AMER1: variants seen among roughly 807,000 people sequenced by gnomAD.
The protein encoded by AMER1 is APC membrane recruitment protein 1.
Under a neutral mutation model 53.0 loss-of-function variants are expected in AMER1, and 16 were observed. The ratio of observed to expected loss-of-function variants is 0.30; its 90% confidence interval spans 0.20 to 0.46. The LOEUF is 0.46. AMER1 is among the 20% of genes least tolerant of loss of function. The probability of loss-of-function intolerance (pLI) is 1.00; values close to 1 mark genes in which losing one functional copy is unlikely to be tolerated. For synonymous variants in AMER1, 354 were observed against 331.9 expected (o/e 1.07, Z -0.73); for missense variants, 947 against 884.9 (o/e 1.07, Z -0.89).
At chrX:64,201,538 C>A (rs1172149309) in intron 1 of AMER1, among the ~76,000 whole-genome samples, 2 of 109,665 alleles carry the variant, frequency 1.8e-5, no homozygotes, top group Non-Finnish European at 3.8e-5. Context: ...TGAGAAAGAA[C>A]TGGGCAATGA....
rs1490080845 is a variant in AMER1 at position 64,190,532 on chromosome X, C to T, written c.2755G>A (p.Asp919Asn). The T allele has an allele frequency of 8.3e-7, 1 of 1,211,991 alleles. No individual in the cohort carries two copies. Among genetic ancestry groups the T allele is most frequent in the East Asian group, 3.0e-5 (1 of 33,840 alleles). ...SHLVQGYLESDELQAQQEDSD... is the reference protein window; with the variant it reads ...SHLVQGYLESNELQAQQEDSD... ...TCTTCCTGCTGGGCCTGCAGCTCAT[C>T]AGACTCGAGGTAGCCCTGGACCAAG... is the stretch of plus-strand genomic sequence containing the variant. The change falls in exon 2 of 2, where the codon GAT becomes AAT. Residue 919 changes from aspartate to asparagine, a missense_variant. Physicochemically the swap from Asp to Asn is conservative, Grantham distance 23. Coordinates refer to ENST00000374869, the MANE Select transcript of AMER1 (RefSeq NM_152424.4).
chrX:64,197,701 T>C (rs1299320758), intron 1 of AMER1, among the ~76,000 whole-genome samples: 1 of 110,636 alleles, frequency 9.0e-6, no homozygotes, highest in Non-Finnish European at 1.9e-5. Flanking sequence ...TTGGGGAGGG[T>C]TGGTTAAAGA....
intron 1 of AMER1, among the ~76,000 whole-genome samples, chrX:64,200,798 C>T (rs894229979): frequency 4.5e-5 from 5 of 111,749 alleles, no homozygotes; most frequent in Non-Finnish European, 7.5e-5. Context: ...CCTTACACCA[C>T]CCCTCAACAT....
At position 64,186,023 on chromosome X, in the gene AMER1, A is replaced by G; in HGVS notation, c.*3856T>C. ...ACAAAACATAACGAGGAAAAAAAAT[A>G]AGACACATGAGTACTCTCAGAGGGT... On this transcript the variant is annotated 3_prime_UTR_variant, in exon 2 of 2. Coordinates refer to ENST00000374869, the MANE Select transcript of AMER1 (RefSeq NM_152424.4). The G allele has an allele frequency of 1.2e-6, 1 of 804,205 alleles. No homozygotes were observed. Among genetic ancestry groups the G allele is most frequent in the Non-Finnish European group, 1.8e-6 (1 of 564,744 alleles). 66.3% of individuals were successfully genotyped at this position (804,205 alleles called of 1,213,427 possible). A position where few individuals can be genotyped will look rare whatever the true frequency, so the allele number is the denominator to read the frequency against.
Position 64,189,793 on chromosome X carries a change from A to ACGGGCGCCCCCCCCCCCCCCCCCCCCCCC in AMER1, c.*85_*86insGGGGGGGGGGGGGGGGGGGGGGGCGCCCG. 3.4e-6 allele frequency: 1 copy of ACGGGCGCCCCCCCCCCCCCCCCCCCCCCC among 292,074 alleles called. No homozygotes were observed. Among genetic ancestry groups the ACGGGCGCCCCCCCCCCCCCCCCCCCCCCC allele is most frequent in the Non-Finnish European group, 4.9e-6 (1 of 204,832 alleles). The allele number at this position is 292,074 out of a possible 1,213,427, so 24.1% of individuals were successfully genotyped here. A position where few individuals can be genotyped will look rare whatever the true frequency, so the allele number is the denominator to read the frequency against. On this transcript the variant is annotated 3_prime_UTR_variant, in exon 2 of 2. Coordinates refer to ENST00000374869, the MANE Select transcript of AMER1 (RefSeq NM_152424.4). ...CAAAGGGTTTTCAAGTTAAACAACA[A>ACGGGCGCCCCCCCCCCCCCCCCCCCCCCC]CCCCCACCCCCCCACCCTTCTGCCC...
chrX:64,202,345 G>C (rs1012256793), intron 1 of AMER1, among the ~76,000 whole-genome samples: 2 of 111,938 alleles, frequency 1.8e-5, no homozygotes, highest in East Asian at 5.6e-4. Context: ...TAGGGAATGA[G>C]GGAGGTAAGA....
chrX:64,190,120 T>C lies in AMER1; in HGVS notation c.3167A>G (p.Asp1056Gly), dbSNP rs1930209446. The change falls in exon 2 of 2, where the codon GAT (aspartate) becomes GGT (glycine). Residue 1056 changes from aspartate to glycine, a missense_variant. Physicochemically the swap from Asp to Gly is moderately conservative, Grantham distance 94 (BLOSUM62 -1). Coordinates refer to ENST00000374869, the MANE Select transcript of AMER1 (RefSeq NM_152424.4). Reference protein sequence around the residue: ...ARPRDVLLPVDEPSCSSSSGG... With the variant: ...ARPRDVLLPVGEPSCSSSSGG... The stretch of plus-strand genomic sequence containing the variant: ...AGAACTGGAAGAGCAACTGGGCTCA[T>C]CAACAGGCAGCAGCACATCTCGAGG... The C allele has an allele frequency of 1.7e-6, 2 of 1,206,071 alleles. No individual in the cohort carries two copies. Among genetic ancestry groups the C allele is most frequent in the African/African-American group, 3.5e-5 (2 of 57,107 alleles).
intron 1 of AMER1, among the ~76,000 whole-genome samples, chrX:64,195,592 G>A (rs1467333923): frequency 3.6e-5 from 4 of 112,113 alleles, no homozygotes; most frequent in Admixed American, 2.8e-4. Flanking sequence ...TCATAGGAGC[G>A]TGAACCCTAT....
At position 64,190,380 on chromosome X, in the gene AMER1, C is replaced by T. The variant is rs766008251; in HGVS notation, c.2907G>A (p.Gly969=). ...PAWAPCPLPV[G]PGPAWISPNQ... ...TGGGGCTTATCCAGGCAGGACCTGG[C>T]CCCACTGGAAGAGGACAGGGAGCCC... The change falls in exon 2 of 2, where the codon GGG becomes GGA. Residue 969 remains glycine (G), a synonymous_variant. Coordinates refer to ENST00000374869, the MANE Select transcript of AMER1 (RefSeq NM_152424.4). 1 of 1,211,182 alleles carries T rather than the reference C, an allele frequency of 8.3e-7. No homozygotes were observed. Among genetic ancestry groups the T allele is most frequent in the South Asian group, 1.8e-5 (1 of 56,735 alleles).
In AMER1 at chrX:64,188,786, T is replaced by A; in HGVS notation, c.*1093A>T. On this transcript the variant is annotated 3_prime_UTR_variant, in exon 2 of 2. Coordinates refer to ENST00000374869, the MANE Select transcript of AMER1 (RefSeq NM_152424.4). ...GATAAATGGACCCTCATTTTCTATCTTTCCCCTACACTCCACAAAAACCCC... is the reference window on the plus strand; with the variant it reads ...GATAAATGGACCCTCATTTTCTATCATTCCCCTACACTCCACAAAAACCCC... 1 of 804,662 alleles carries A rather than the reference T, an allele frequency of 1.2e-6. No homozygotes were observed. 66.3% of individuals were successfully genotyped at this position (804,662 alleles called of 1,213,427 possible).
chrX:64,189,425 T>G lies in AMER1; in HGVS notation c.*454A>C. ...CAGGGGGCACTAAAGGTTTAGCCTG[T>G]GTCAAGGATGCATGCTATATATGTG... On this transcript the variant is annotated 3_prime_UTR_variant, in exon 2 of 2. Coordinates refer to ENST00000374869, the MANE Select transcript of AMER1 (RefSeq NM_152424.4). The G allele has an allele frequency of 2.6e-6, 2 of 773,047 alleles. No homozygotes were observed. Among genetic ancestry groups the G allele is most frequent in the Middle Eastern group, 6.9e-4 (1 of 1,451 alleles). 63.7% of individuals were successfully genotyped at this position (773,047 alleles called of 1,213,427 possible).
Position 64,189,795 on chromosome X carries a change from C to CCCCCCCCCCCCCCCCCCCTT in AMER1, c.*83_*84insAAGGGGGGGGGGGGGGGGGG. ...AAGGGTTTTCAAGTTAAACAACAAC[C>CCCCCCCCCCCCCCCCCCCTT]CCCACCCCCCCACCCTTCTGCCCAA... On this transcript the variant is annotated 3_prime_UTR_variant, in exon 2 of 2. Coordinates refer to ENST00000374869, the MANE Select transcript of AMER1 (RefSeq NM_152424.4). 1 of 154,270 alleles carries CCCCCCCCCCCCCCCCCCCTT rather than the reference C, an allele frequency of 6.5e-6. No homozygotes were observed. Among genetic ancestry groups the CCCCCCCCCCCCCCCCCCCTT allele is most frequent in the Admixed American group, 1.1e-4 (1 of 8,902 alleles). The allele number at this position is 154,270 out of a possible 1,213,427, so 12.7% of individuals were successfully genotyped here. A position where few individuals can be genotyped will look rare whatever the true frequency, so the allele number is the denominator to read the frequency against.
intron 1 of AMER1, among the ~76,000 whole-genome samples, chrX:64,201,184 G>A (rs1352323293): frequency 3.6e-5 from 4 of 111,029 alleles, no homozygotes; most frequent in Non-Finnish European, 7.5e-5. Flanking sequence ...AAAAGGGGAG[G>A]TGGAGGGAGC....
Position 64,192,034 on chromosome X carries a change from C to T in AMER1, c.1253G>A (p.Arg418Gln), listed in dbSNP as rs758890390. Reference protein sequence around the residue: ...YLWETAQMYPRPNMNLGYHPT... With the variant: ...YLWETAQMYPQPNMNLGYHPT... ...ATGGTAGCCCAGGTTCATATTGGGC[C>T]GTGGATACATTTGGGCAGTTTCCCA... The change falls in exon 2 of 2, where the codon CGG becomes CAG. Residue 418 changes from arginine to glutamine, a missense_variant. By Grantham distance (43) the Arg-to-Gln change is conservative. Coordinates refer to ENST00000374869, the MANE Select transcript of AMER1 (RefSeq NM_152424.4). 1.4e-5 allele frequency: 17 copies of T among 1,210,102 alleles called. No homozygotes were observed. Among genetic ancestry groups the T allele is most frequent in the African/African-American group, 5.3e-5 (3 of 57,119 alleles).
chrX:64,200,737 C>T (rs1905845706), intron 1 of AMER1, among the ~76,000 whole-genome samples: 1 of 111,525 alleles, frequency 9.0e-6, no homozygotes, highest in South Asian at 3.8e-4. Context: ...CTAGCTGGTT[C>T]GACCTAGTTC....
chrX:64,202,393 G>T (rs767704855), intron 1 of AMER1, among the ~76,000 whole-genome samples: 17 of 111,914 alleles, frequency 1.5e-4, no homozygotes, highest in Admixed American at 6.6e-4. Flanking sequence ...TTGATTGGAG[G>T]CTGCTGGTTC....
At chrX:64,196,418 T>A (rs1180405435) in intron 1 of AMER1, among the ~76,000 whole-genome samples, 1 of 112,329 alleles carries the variant, frequency 8.9e-6, no homozygotes, top group Non-Finnish European at 1.9e-5. Context: ...AACTGTATAG[T>A]ACAGTGCAAA....
In AMER1 at chrX:64,192,253, G is replaced by A. The variant is rs763438860; in HGVS notation, c.1034C>T (p.Ala345Val). 11 of 1,210,671 alleles carry A rather than the reference G, an allele frequency of 9.1e-6. No individual in the cohort carries two copies. Among genetic ancestry groups the A allele is most frequent in the Middle Eastern group, 4.6e-4 (2 of 4,354 alleles). ...QDMDSMTDSMASGGQRANRDG... is the reference protein window; with the variant it reads ...QDMDSMTDSMVSGGQRANRDG... ...TCGGTTTGCTCTCTGGCCCCCAGAGGCCATGCTGTCTGTCATACTGTCCAT... is the reference window on the plus strand; with the variant it reads ...TCGGTTTGCTCTCTGGCCCCCAGAGACCATGCTGTCTGTCATACTGTCCAT... Residue 345 changes from alanine to valine, a missense_variant, in exon 2 of 2, where the codon GCC becomes GTC. Ala to Val is a moderately conservative substitution (Grantham distance 64). Coordinates refer to ENST00000374869, the MANE Select transcript of AMER1 (RefSeq NM_152424.4).
intron 1 of AMER1, among the ~76,000 whole-genome samples, chrX:64,198,412 G>A (rs763197396): frequency 1.8e-5 from 2 of 111,533 alleles, no homozygotes; most frequent in South Asian, 7.6e-4. Context: ...GCAACTCCTT[G>A]TCACAGAGAA....
Sources: allele counts gnomAD v4.1 joint callset (sites outside exome capture counted in the v4.1 genomes callset), GRCh38; gene constraint gnomAD v4.1.1; transcripts MANE v1.5; gene names NCBI Gene and HGNC (gene_info 2026-07-23, HGNC 2026-07-21).